Variants in C1orf87 observed in about 807,000 individuals in gnomAD.
C1orf87 encodes the protein uncharacterized protein C1orf87.
Under a neutral mutation model 60.5 loss-of-function variants are expected in C1orf87, and 58 were observed. The ratio of observed to expected loss-of-function variants is 0.96; its 90% CI spans 0.78 to 1.19. C1orf87 has a LOEUF of 1.19. Among genes scored for constraint, C1orf87 ranks in the 50% most tolerant of loss-of-function variants. C1orf87 has a pLI of 0.00. For synonymous variants in C1orf87, 236 were observed against 227.4 expected, an observed-to-expected ratio of 1.04 and a Z score of -0.34; for missense variants, 673 against 638.6, an observed-to-expected ratio of 1.05 and a Z score of -0.58.
chr1:60,010,570 A>G, intron 8 of C1orf87, 114 bp from the exon 9 acceptor site: 4 of 886,582 alleles, frequency 4.5e-6, no homozygotes, highest in Non-Finnish European at 7.3e-6. Flanking sequence ...TGATACTTCT[A>G]TCATTTAAGG....
intron 7 of C1orf87, among the ~76,000 whole-genome samples, chr1:60,032,524 A>C (rs371090663): frequency 3.4e-4 from 44 of 130,596 alleles, no homozygotes; most frequent in African/African-American, 1.3e-3. Context: ...TGCAACCTCC[A>C]CCTCCCAGGT....
At chr1:60,062,013 A>G (rs1015932234) in intron 2 of C1orf87, among the ~76,000 whole-genome samples, 2 of 152,152 alleles carry the variant, frequency 1.3e-5, no homozygotes, top group East Asian at 3.9e-4. Flanking sequence ...TAGCCCTGGC[A>G]GGAGGAGGTT....
At chr1:60,052,530 A>G (rs558071701) in intron 3 of C1orf87, among the ~76,000 whole-genome samples, 1 of 152,304 alleles carries the variant, frequency 6.6e-6, no homozygotes, top group South Asian at 2.1e-4. Flanking sequence ...TCTTATATAC[A>G]CAAAATGAGG....
At position 60,022,066 on chromosome 1, in the gene C1orf87, T is replaced by A. The variant is rs184009800; in HGVS notation, c.1127+3335A>T. On this transcript the variant is annotated intron_variant, in intron 8 of 11. Transcript: ENST00000371201. ...CAGATTAGGGAAAGGAAATTTTAGA[T>A]GGAGCCAAAGTGATGGGGGAGCAAC... Among the ~76,000 whole-genome samples the A allele has an allele frequency of 3.7e-4, 55 of 150,306 alleles. 1 individual carries two copies. The highest frequency in any genetic ancestry group is 7.1e-3 in the Middle Eastern group (2 of 282).
At chr1:60,032,698 C>G (rs1468563488) in intron 7 of C1orf87, among the ~76,000 whole-genome samples, 1 of 152,032 alleles carries the variant, frequency 6.6e-6, no homozygotes, top group Non-Finnish European at 1.5e-5. Flanking sequence ...CTCGGCGTCC[C>G]AAAGTGCTGG....
rs553505338 is a variant in C1orf87, at chr1:60,065,243, T to C, written c.107+7294A>G. Among the ~76,000 whole-genome samples the C allele has an allele frequency of 1.8e-3, 272 of 151,004 alleles. 1 individual carries two copies. The highest frequency in any genetic ancestry group is 6.8e-3 in the Middle Eastern group (2 of 294). ...TCAGATGCCCAATATTGGGCAAACT[T>C]GAGACCTGTGAATAGTTGCAGCCTC... On this transcript the variant is annotated intron_variant, in intron 2 of 11. Transcript: ENST00000371201.
chr1:60,038,642 C>G (rs766222146), intron 5 of C1orf87, among the ~76,000 whole-genome samples: 1 of 152,186 alleles, frequency 6.6e-6, no homozygotes. Flanking sequence ...TGCCCCCACT[C>G]TCTCTCTTGT....
intron 5 of C1orf87, among the ~76,000 whole-genome samples, chr1:60,038,719 A>G (rs1645296615): frequency 6.6e-6 from 1 of 152,180 alleles, no homozygotes; most frequent in East Asian, 1.9e-4. Flanking sequence ...AGATAGATTG[A>G]GCAGATATAT....
At chr1:60,068,362 G>T (rs769377127) in intron 2 of C1orf87, among the ~76,000 whole-genome samples, 2 of 152,156 alleles carry the variant, frequency 1.3e-5, no homozygotes, top group Non-Finnish European at 2.9e-5. Context: ...GCCAAGGCTT[G>T]TCAGCTTTCT....
intron 10 of C1orf87, among the ~76,000 whole-genome samples, chr1:59,998,429 A>G (rs1644978966): frequency 7.8e-6 from 1 of 128,898 alleles, no homozygotes; most frequent in Admixed American, 8.6e-5. Flanking sequence ...TTAGTATCCT[A>G]AATTCATTGC....
Position 60,072,652 on chromosome 1 carries a change from T to C in C1orf87, c.-9A>G. Reference sequence around the variant, plus strand: ...TTCCAGGCTGAAGACATGATTCCTTTCAAAATCCCTTCAGATCCCTAGGGG... The same window carrying C: ...TTCCAGGCTGAAGACATGATTCCTTCCAAAATCCCTTCAGATCCCTAGGGG... On this transcript the variant is annotated 5_prime_UTR_variant, in exon 2 of 12. Transcript: ENST00000371201. 2 of 1,590,348 alleles carry C rather than the reference T, an allele frequency of 1.3e-6. No individual in the cohort carries two copies. The highest frequency in any genetic ancestry group is 1.7e-6 in the Non-Finnish European group (2 of 1,165,972).
chr1:60,065,560 T>A (rs1425667523), intron 2 of C1orf87, among the ~76,000 whole-genome samples: 1 of 152,138 alleles, frequency 6.6e-6, no homozygotes, highest in Non-Finnish European at 1.5e-5. Flanking sequence ...TATCTGTCTA[T>A]TATGTGTTTC....
intron 11 of C1orf87, among the ~76,000 whole-genome samples, chr1:59,991,733 T>G (rs898977118): frequency 9.2e-5 from 14 of 152,200 alleles, no homozygotes; most frequent in African/African-American, 2.9e-4. Flanking sequence ...CTGCAGGATA[T>G]GCTCTGGTAC....
chr1:60,022,183 A>C (rs545052788), intron 8 of C1orf87, among the ~76,000 whole-genome samples: 5 of 151,330 alleles, frequency 3.3e-5, no homozygotes, highest in Non-Finnish European at 7.4e-5. Flanking sequence ...TAATGATGCA[A>C]ACACTTTTAG....
intron 8 of C1orf87, among the ~76,000 whole-genome samples, chr1:60,013,649 C>A (rs948604640): frequency 1.4e-5 from 2 of 147,788 alleles, no homozygotes; most frequent in African/African-American, 5.0e-5. Flanking sequence ...AGAATTGTGG[C>A]TCCCTTTCCA....
chr1:60,067,904 GT>G (rs370426872), intron 2 of C1orf87, among the ~76,000 whole-genome samples: 37 of 152,108 alleles, frequency 2.4e-4, no homozygotes, highest in African/African-American at 8.4e-4. Context: ...TTTGTATAAG[GT>G]ATAAGGAAGG....
Position 60,041,107 on chromosome 1 carries a change from A to AGCT in C1orf87, c.366_367insAGC (p.His122_Cys123insSer). 1 of 1,592,542 alleles carries AGCT rather than the reference A, an allele frequency of 6.3e-7. No homozygotes were observed. The highest frequency in any genetic ancestry group is 8.6e-7 in the Non-Finnish European group (1 of 1,165,008). On this transcript the variant is annotated inframe_insertion, in exon 4 of 12. Coordinates refer to ENST00000371201, the MANE Select transcript of C1orf87 (RefSeq NM_152377.3). ...TGGTCTCCGGTTGGTACAGAGCTGCAGTGGACATTTGCTTGACTGGGAATC... is the reference window on the plus strand; with the variant it reads ...TGGTCTCCGGTTGGTACAGAGCTGCAGCTGTGGACATTTGCTTGACTGGGAATC...
chr1:60,018,561 G>A (rs969272826), intron 8 of C1orf87, among the ~76,000 whole-genome samples: 2 of 152,086 alleles, frequency 1.3e-5, no homozygotes, highest in Non-Finnish European at 2.9e-5. Context: ...ACTACGTACA[G>A]GTATAATGTG....
chr1:60,033,427 C>A (rs766164613), intron 7 of C1orf87, 49 bp downstream of exon 7: 5 of 1,561,882 alleles, frequency 3.2e-6, no homozygotes, highest in South Asian at 2.4e-5. Flanking sequence ...ACCCAATGCC[C>A]TGAAGTGGCC....
Sources: gnomAD v4.1 joint callset for allele counts (sites outside exome capture counted in the v4.1 genomes callset) on GRCh38, gnomAD v4.1.1 for gene constraint, MANE v1.5 for transcripts, NCBI Gene and HGNC (gene_info 2026-07-23, HGNC 2026-07-21) for gene names.